The following RABGAP1 variants were observed in gnomAD, a reference collection of about 807,000 sequenced individuals.
The protein encoded by RABGAP1 is RAB GTPase activating protein 1.
A neutral mutation model predicts 137.6 loss-of-function variants in RABGAP1; 23 were observed. That is an observed-to-expected ratio of 0.17 (90% CI 0.12 to 0.24). The LOEUF (loss-of-function observed/expected upper bound fraction) is 0.24, where lower values mean the gene tolerates loss of function less well. Ranked by LOEUF, RABGAP1 falls within the 10% of genes least tolerant of loss-of-function variation. The probability of loss-of-function intolerance (pLI) is 1.00; values close to 1 mark genes in which losing one functional copy is unlikely to be tolerated. For synonymous variants in RABGAP1, 451 were observed against 450.7 expected, an observed-to-expected ratio of 1.00 and a Z score of -0.01; for missense variants, 906 against 1,275.8, an observed-to-expected ratio of 0.71 and a Z score of 4.42.
At chr9:123,084,412 C>G (rs2034806347) in intron 19 of RABGAP1, among the ~76,000 whole-genome samples, 1 of 152,178 alleles carries the variant, frequency 6.6e-6, no homozygotes, top group Non-Finnish European at 1.5e-5. Context: ...TTCTTACCCC[C>G]CACTGTCTAC....
chr9:122,959,305 T>C (rs1834715958), intron 2 of RABGAP1, among the ~76,000 whole-genome samples: 1 of 119,766 alleles, frequency 8.3e-6, no homozygotes, highest in Non-Finnish European at 1.6e-5. Context: ...GATCCAGTAG[T>C]GGGCATGGGC....
intron 13 of RABGAP1, among the ~76,000 whole-genome samples, chr9:123,039,279 A>C (rs2032830978): frequency 6.6e-6 from 1 of 152,130 alleles, no homozygotes; most frequent in East Asian, 1.9e-4. Context: ...ATTCAACATA[A>C]AATTGCTTTG....
chr9:122,994,961 T>A (rs12376808), intron 6 of RABGAP1, among the ~76,000 whole-genome samples: 1 of 151,904 alleles, frequency 6.6e-6, no homozygotes, highest in Non-Finnish European at 1.5e-5. Context: ...ACCAAAAATT[T>A]AAAAAATTAG....
intron 4 of RABGAP1, among the ~76,000 whole-genome samples, chr9:122,986,703 A>AT (rs1184669168): frequency 1.3e-5 from 2 of 152,154 alleles, no homozygotes; most frequent in East Asian, 3.8e-4. Flanking sequence ...AAAAGATTAT[A>AT]TTTTCCATGT....
At position 123,035,403 on chromosome 9, in the gene RABGAP1, C is replaced by T. The variant is rs1357004481; in HGVS notation, c.1794+14944C>T. The stretch of plus-strand genomic sequence containing the variant: ...ACTTCTTGTTGGAAAGCTCCACTGG[C>T]CACAGCAACCGCTTCGCATCCTTCT... On this transcript the variant is annotated intron_variant, in intron 13 of 25. Coordinates refer to ENST00000373647, the MANE Select transcript of RABGAP1 (RefSeq NM_012197.4). 3 of 1,613,988 alleles carry T rather than the reference C, an allele frequency of 1.9e-6. No homozygotes were observed. In the Admixed American group the frequency reaches 5.0e-5, roughly 27 times the overall value.
At chr9:123,000,886 T>C (rs1837291191) in intron 10 of RABGAP1, among the ~76,000 whole-genome samples, 1 of 152,144 alleles carries the variant, frequency 6.6e-6, no homozygotes, top group African/African-American at 2.4e-5. Flanking sequence ...AACATAATAG[T>C]AGCCTAAGGT....
chr9:122,953,458 A>G (rs1282914348), intron 1 of RABGAP1, among the ~76,000 whole-genome samples: 5 of 151,414 alleles, frequency 3.3e-5, no homozygotes, highest in Admixed American at 6.6e-5. Flanking sequence ...CTGGAGTGCA[A>G]TGGCACAATC....
At position 123,031,779 on chromosome 9, in the gene RABGAP1, T is replaced by G. The variant is rs1042201668; in HGVS notation, c.1794+11320T>G. 2.6e-5 allele frequency among the ~76,000 whole-genome samples: 4 copies of G among 152,326 alleles called. No individual in the cohort carries two copies. In the East Asian group the frequency reaches 7.7e-4, roughly 29 times the overall value. ...AAAAGGTTTTTGATTTTAGACATGCTGTGGTTGAAATCTCTACAGGACATC... is the reference window on the plus strand; with the variant it reads ...AAAAGGTTTTTGATTTTAGACATGCGGTGGTTGAAATCTCTACAGGACATC... On this transcript the variant is annotated intron_variant, in intron 13 of 25. Transcript: ENST00000373647.
At chr9:123,039,152 C>A (rs1330886608) in intron 13 of RABGAP1, among the ~76,000 whole-genome samples, 2 of 152,140 alleles carry the variant, frequency 1.3e-5, no homozygotes, top group African/African-American at 4.8e-5. Flanking sequence ...TGTGTTCCCC[C>A]ACACTTTGAT....
chr9:123,007,470 C>T (rs646162), intron 10 of RABGAP1, among the ~76,000 whole-genome samples: 91,872 of 148,058 alleles, frequency 0.62, 35,684 homozygotes, highest in Non-Finnish European at 0.86. Flanking sequence ...CTCTGCCTCC[C>T]GGGCCCAAGT....
intron 7 of RABGAP1, 32 bp downstream of exon 7, chr9:122,996,183 T>C: frequency 6.3e-7 from 1 of 1,585,962 alleles, no homozygotes; most frequent in Non-Finnish European, 8.5e-7. Context: ...AGCTTAAATA[T>C]AAATTTTGGC....
At chr9:122,992,399 G>A (rs995081806) in intron 6 of RABGAP1, among the ~76,000 whole-genome samples, 1 of 151,962 alleles carries the variant, frequency 6.6e-6, no homozygotes, top group African/African-American at 2.4e-5. Flanking sequence ...TTATTAAATA[G>A]GAAAGATTAA....
chr9:123,087,377 A>G (rs981685123), intron 19 of RABGAP1, among the ~76,000 whole-genome samples: 9 of 152,212 alleles, frequency 5.9e-5, no homozygotes, highest in African/African-American at 1.7e-4. Flanking sequence ...TGGGAGCCTC[A>G]TAACCACTGC....
intron 13 of RABGAP1, among the ~76,000 whole-genome samples, chr9:123,037,587 T>C (rs1332105016): frequency 6.6e-6 from 1 of 152,236 alleles, no homozygotes; most frequent in African/African-American, 2.4e-5. Context: ...TTTACCTTTT[T>C]TCATACATGT....
upstream of RABGAP1, chr9:122,939,775 G>A (rs973191197): frequency 3.3e-5 from 5 of 152,126 alleles, no homozygotes; most frequent in East Asian, 1.9e-4. Context: ...GAAAGGAAGC[G>A]AAACTATTTT....
intron 13 of RABGAP1, among the ~76,000 whole-genome samples, chr9:123,051,539 G>A (rs985905439): frequency 6.0e-5 from 9 of 151,134 alleles, no homozygotes; most frequent in Non-Finnish European, 8.9e-5. Flanking sequence ...GAGCCACCAC[G>A]CCTGGCCTCA....
chr9:123,103,365 T>G lies in RABGAP1; in HGVS notation c.*152T>G. 1.6e-6 allele frequency: 2 copies of G among 1,236,136 alleles called. No individual in the cohort carries two copies. The highest frequency in any genetic ancestry group is 1.5e-5 in the South Asian group (1 of 67,656). 76.6% of individuals were successfully genotyped at this position (1,236,136 alleles called of 1,614,324 possible). On this transcript the variant is annotated 3_prime_UTR_variant, in exon 26 of 26. Transcript: ENST00000373647. ...GTTGGTAGGTCACTGGACCAGAGCT[T>G]GTGAAGCAGGCAACCTCTGGGGTAA...
intron 11 of RABGAP1, among the ~76,000 whole-genome samples, chr9:123,013,169 C>T (rs563551580): frequency 2.8e-4 from 43 of 152,206 alleles, no homozygotes; most frequent in African/African-American, 9.6e-4. Context: ...AAGAAATTAC[C>T]ATCCCTTCTA....
rs557694836 is a variant in RABGAP1 at position 122,981,569 on chromosome 9, A to C, written c.151-2916A>C. Among the ~76,000 whole-genome samples the C allele has an allele frequency of 8.5e-5, 13 of 152,264 alleles. 1 individual carries two copies. In the South Asian group the frequency reaches 2.5e-3, roughly 29 times the overall value. On this transcript the variant is annotated intron_variant, in intron 2 of 25. Transcript: ENST00000373647. ...AGGTTTTCAGAAATTCAAATTATTG[A>C]ATACCACCCCAGACTTAGTTAATTG...
Sources: allele counts gnomAD v4.1 joint callset (sites outside exome capture counted in the v4.1 genomes callset), GRCh38; gene constraint gnomAD v4.1.1; transcripts MANE v1.5; gene names NCBI Gene and HGNC (gene_info 2026-07-23, HGNC 2026-07-21).